HCK: variants seen among roughly 807,000 people sequenced by gnomAD.
The protein encoded by HCK is HCK proto-oncogene, Src family tyrosine kinase, also known as tyrosine-protein kinase HCK.
A neutral mutation model predicts 70.4 loss-of-function variants in HCK; 40 were observed. That is an observed-to-expected ratio of 0.57 (90% confidence interval 0.44 to 0.74). The LOEUF (loss-of-function observed/expected upper bound fraction) is 0.74. Ranked by LOEUF, HCK falls within the 30% of genes least tolerant of loss-of-function variation. HCK has a pLI of 0.00. For synonymous variants in HCK, 245 were observed against 263.2 expected (o/e 0.93, Z 0.67); for missense variants, 568 against 697.2 (o/e 0.81, Z 2.09).
rs866857595 is a variant in HCK, at chr20:32,079,805, G to T, written c.460G>T (p.Ala154Ser). The T allele has an allele frequency of 3.1e-6, 5 of 1,613,890 alleles. No homozygotes were observed. The highest frequency in any genetic ancestry group is 1.1e-5 in the South Asian group (1 of 91,080). The stretch of plus-strand genomic sequence containing the variant: ...TTTCAAGGGCATCAGCCGGAAGGAC[G>T]CAGAGCGCCAACTGCTGGCTCCCGG... The change falls in exon 6 of 13, where the codon GCA (alanine) becomes TCA (serine). Residue 154 changes from alanine to serine, a missense_variant. Ala to Ser is a moderately conservative substitution (Grantham distance 99). Around this residue, in one of 4 missense-constraint regions of HCK, gnomAD observed 318 missense variants for 336.0 expected, o/e 0.95. Coordinates refer to ENST00000375852, the MANE Select transcript of HCK (RefSeq NM_002110.5).
chr20:32,054,602 C>T (rs1268017103), intron 1 of HCK, among the ~76,000 whole-genome samples: 1 of 144,720 alleles, frequency 6.9e-6, no homozygotes. Context: ...GTCAGGAGAT[C>T]GAGACCATCC....
Position 32,101,317 on chromosome 20 carries a change from G to C in HCK, c.1379G>C (p.Gly460Ala). 1 of 1,613,684 alleles carries C rather than the reference G, an allele frequency of 6.2e-7. No individual in the cohort carries two copies. Among genetic ancestry groups the C allele is most frequent in the Non-Finnish European group, 8.5e-7 (1 of 1,179,842 alleles). The change falls in exon 13 of 13, where the codon GGG (glycine) becomes GCG (alanine). Residue 460 changes from glycine (G) to alanine (A), a missense_variant and splice_region_variant. By Grantham distance (60) the Gly-to-Ala change is moderately conservative. This residue lies in a region of HCK where 160 missense variants were observed against 237.5 expected (regional missense o/e 0.67). Transcript: ENST00000375852. ...TTCTAATTCCACGGCTCCTTTTCAG[G>C]GATGTCAAACCCTGAAGTGATCCGA...
At chr20:32,076,092 G>T (rs1445567138) in intron 5 of HCK, among the ~76,000 whole-genome samples, 1 of 152,108 alleles carries the variant, frequency 6.6e-6, no homozygotes, top group Non-Finnish European at 1.5e-5. Context: ...GGAGGCCAAG[G>T]CACGCAGATC....
At chr20:32,066,580 T>G (rs2045463005) in intron 1 of HCK, among the ~76,000 whole-genome samples, 1 of 152,124 alleles carries the variant, frequency 6.6e-6, no homozygotes, top group African/African-American at 2.4e-5. Flanking sequence ...CCTAAAGTGC[T>G]AGGATTACAG....
chr20:32,067,813 G>T (rs2045481541), intron 1 of HCK, among the ~76,000 whole-genome samples: 2 of 151,786 alleles, frequency 1.3e-5, no homozygotes, highest in South Asian at 4.1e-4. Context: ...GCTGAGATGT[G>T]CTCTAACAGT....
intron 12 of HCK, among the ~76,000 whole-genome samples, chr20:32,099,657 C>T (rs1412007417): frequency 2.0e-5 from 3 of 151,968 alleles, no homozygotes; most frequent in Admixed American, 2.0e-4. Context: ...TGTGCCTGGC[C>T]TCACCCCTAT....
intron 9 of HCK, among the ~76,000 whole-genome samples, chr20:32,088,046 A>G (rs1227161168): frequency 6.6e-6 from 1 of 152,090 alleles, no homozygotes; most frequent in African/African-American, 2.4e-5. Flanking sequence ...ATAGGCATGA[A>G]CCACTGAGCC....
intron 1 of HCK, among the ~76,000 whole-genome samples, chr20:32,052,784 G>T (rs527549394): frequency 8.0e-5 from 10 of 125,270 alleles, no homozygotes; most frequent in African/African-American, 7.3e-5. Context: ...CCCCTTCTTG[G>T]GGGGGGGCGG....
At chr20:32,072,916 C>A (rs1414160568) in intron 2 of HCK, among the ~76,000 whole-genome samples, 7 of 152,138 alleles carry the variant, frequency 4.6e-5, no homozygotes, top group African/African-American at 1.7e-4. Flanking sequence ...GCCGGGCCAA[C>A]ATGGTGAAAC....
intron 5 of HCK, among the ~76,000 whole-genome samples, chr20:32,077,629 C>A (rs1302314177): frequency 6.6e-6 from 1 of 152,076 alleles, no homozygotes; most frequent in Admixed American, 6.5e-5. Flanking sequence ...CGGGTTCAAG[C>A]GATTCTCCTG....
At chr20:32,096,499 CAAAA>C (rs55905450) in intron 11 of HCK, among the ~76,000 whole-genome samples, 3 of 92,418 alleles carry the variant, frequency 3.2e-5, no homozygotes, top group Non-Finnish European at 4.4e-5. Context: ...GACTCCGTCT[CAAAA>C]AAAAAAAAAA....
chr20:32,068,747 GC>G (rs1366213869), intron 1 of HCK, among the ~76,000 whole-genome samples: 1 of 151,804 alleles, frequency 6.6e-6, no homozygotes, highest in Non-Finnish European at 1.5e-5. Flanking sequence ...TGTGAGACCT[GC>G]CCCCCCTCTC....
chr20:32,085,155 A>G (rs562405289), intron 8 of HCK, among the ~76,000 whole-genome samples: 97 of 152,370 alleles, frequency 6.4e-4, no homozygotes, highest in Middle Eastern at 3.4e-3. Context: ...ACAGGGATGC[A>G]AACAACTCAG....
intron 1 of HCK, among the ~76,000 whole-genome samples, chr20:32,058,268 A>G (rs1307310911): frequency 2.0e-5 from 3 of 152,062 alleles, no homozygotes; most frequent in Admixed American, 2.0e-4. Context: ...ACGGTGGCTC[A>G]CACCTGTAAT....
chr20:32,094,799 A>AAGAGAG (rs1569010646), intron 11 of HCK, among the ~76,000 whole-genome samples: 50 of 36,576 alleles, frequency 1.4e-3, no homozygotes, highest in African/African-American at 2.9e-3. Context: ...GAAAGAAAGA[A>AAGAGAG]AGAAAGAAAG....
At chr20:32,058,109 A>G (rs1251325144) in intron 1 of HCK, among the ~76,000 whole-genome samples, 1 of 152,150 alleles carries the variant, frequency 6.6e-6, no homozygotes, top group Non-Finnish European at 1.5e-5. Context: ...TCTACCATAG[A>G]AATGAAGAAC....
chr20:32,080,640 C>T (rs923320838), intron 6 of HCK, among the ~76,000 whole-genome samples: 17 of 152,152 alleles, frequency 1.1e-4, no homozygotes, highest in Admixed American at 3.3e-4. Flanking sequence ...ACTACAGGTA[C>T]GTGCCACCAT....
At chr20:32,099,407 G>C (rs548283876) in intron 12 of HCK, among the ~76,000 whole-genome samples, 1 of 144,210 alleles carries the variant, frequency 6.9e-6, no homozygotes, top group Non-Finnish European at 1.5e-5. Context: ...ACCCAGGCTG[G>C]AGTGCAGTGA....
intron 8 of HCK, among the ~76,000 whole-genome samples, chr20:32,085,777 G>A (rs964389074): frequency 6.6e-6 from 1 of 152,176 alleles, no homozygotes; most frequent in Non-Finnish European, 1.5e-5. Context: ...AATCCCTGTG[G>A]TGGGAGGTGA....
Sources: gnomAD v4.1 joint callset for allele counts (sites outside exome capture counted in the v4.1 genomes callset) on GRCh38, gnomAD v4.1.1 for gene constraint, gnomAD v4.1.1 regional missense constraint, MANE v1.5 for transcripts, NCBI Gene and HGNC (gene_info 2026-07-23, HGNC 2026-07-21) for gene names.